Variants in ASIC2 observed in about 807,000 individuals in gnomAD.
The protein encoded by ASIC2 is acid sensing ion channel subunit 2.
Under a neutral mutation model 57.3 loss-of-function variants are expected in ASIC2, and 25 were observed. The ratio of observed to expected loss-of-function variants is 0.44; its 90% CI spans 0.32 to 0.61. The LOEUF is 0.61. ASIC2 is among the 20% of genes least tolerant of loss of function. ASIC2 has a pLI of 0.06. For synonymous variants in ASIC2, 319 were observed against 307.5 expected (o/e 1.04, Z -0.39); for missense variants, 641 against 738.1 (o/e 0.87, Z 1.52).
chr17:34,127,894 G>A (rs116809006), intron 1 of ASIC2, among the ~76,000 whole-genome samples: 2,284 of 152,192 alleles, frequency 0.015, 66 homozygotes, highest in African/African-American at 0.052. Context: ...TGAGCATCCC[G>A]GGCCTTGGGC....
chr17:33,852,015 C>T (rs969982149), intron 1 of ASIC2, among the ~76,000 whole-genome samples: 3 of 152,226 alleles, frequency 2.0e-5, no homozygotes, highest in South Asian at 2.1e-4. Context: ...GGGACCATTC[C>T]GTTCAGGCTG....
intron 1 of ASIC2, among the ~76,000 whole-genome samples, chr17:33,820,697 T>G (rs987000108): frequency 6.6e-6 from 1 of 152,180 alleles, no homozygotes; most frequent in Admixed American, 6.5e-5. Context: ...TTTAAAAAAT[T>G]ATTTTTTACT....
intron 1 of ASIC2, among the ~76,000 whole-genome samples, chr17:33,776,723 G>A (rs1310127228): frequency 6.6e-6 from 1 of 152,196 alleles, no homozygotes; most frequent in African/African-American, 2.4e-5. Flanking sequence ...GGAGGCCTGA[G>A]CTCTACCGTG....
chr17:33,609,497 C>T (rs1905328377), intron 1 of ASIC2, among the ~76,000 whole-genome samples: 2 of 152,170 alleles, frequency 1.3e-5, no homozygotes, highest in Non-Finnish European at 2.9e-5. Context: ...GTGTTTCCTC[C>T]CTAGCTCATC....
At chr17:33,667,484 CTACT>C (rs1422276500) in intron 1 of ASIC2, among the ~76,000 whole-genome samples, 3 of 152,142 alleles carry the variant, frequency 2.0e-5, no homozygotes, top group East Asian at 1.9e-4. Context: ...TCTTCTCTTG[CTACT>C]TACTTACTTA....
intron 1 of ASIC2, among the ~76,000 whole-genome samples, chr17:33,471,423 G>T (rs1913047586): frequency 6.6e-6 from 1 of 152,016 alleles, no homozygotes; most frequent in African/African-American, 2.4e-5. Context: ...CTTTTTTTGA[G>T]TCAAATCATT....
At chr17:33,164,860 G>A (rs561856760) in intron 1 of ASIC2, among the ~76,000 whole-genome samples, 1 of 152,152 alleles carries the variant, frequency 6.6e-6, no homozygotes, top group East Asian at 1.9e-4. Flanking sequence ...TGGTCACTTG[G>A]CCATACCTTC....
At chr17:34,018,266 T>C (rs1415264987) in intron 1 of ASIC2, among the ~76,000 whole-genome samples, 1 of 152,230 alleles carries the variant, frequency 6.6e-6, no homozygotes, top group Non-Finnish European at 1.5e-5. Context: ...TATATCTGTT[T>C]ACAGCATGGT....
intron 1 of ASIC2, among the ~76,000 whole-genome samples, chr17:34,025,488 C>A (rs1279428090): frequency 6.6e-6 from 1 of 152,222 alleles, no homozygotes; most frequent in Non-Finnish European, 1.5e-5. Flanking sequence ...CAGGAAGATC[C>A]TGGACCCACT....
intron 1 of ASIC2, among the ~76,000 whole-genome samples, chr17:34,025,836 G>C (rs1907357601): frequency 6.6e-6 from 1 of 152,194 alleles, no homozygotes; most frequent in East Asian, 1.9e-4. Flanking sequence ...TGAGAATCTA[G>C]TGAGACTACA....
chr17:33,763,453 A>G lies in ASIC2; in HGVS notation c.555+392525T>C, dbSNP rs141852406. Reference sequence around the variant, plus strand: ...AAATTCAAGAGCATCCTCTGGTTCCATAGCAGAAGGGCCTTTTCCCTTCTC... The same window carrying G: ...AAATTCAAGAGCATCCTCTGGTTCCGTAGCAGAAGGGCCTTTTCCCTTCTC... On this transcript the variant is annotated intron_variant, in intron 1 of 9. Coordinates refer to the ASIC2 transcript ENST00000359872. Among the ~76,000 whole-genome samples, 487 of 152,314 alleles carry G rather than the reference A, an allele frequency of 3.2e-3. 3 individuals are homozygous for G. Among genetic ancestry groups the G allele is most frequent in the African/African-American group, 0.011 (470 of 41,560 alleles).
intron 1 of ASIC2, among the ~76,000 whole-genome samples, chr17:33,407,530 A>C (rs577380209): frequency 6.6e-6 from 1 of 152,308 alleles, no homozygotes; most frequent in South Asian, 2.1e-4. Flanking sequence ...ACTCAGGGCA[A>C]GTATGGGCCT....
At chr17:33,968,365 G>A (rs1009394823) in intron 1 of ASIC2, among the ~76,000 whole-genome samples, 9 of 152,096 alleles carry the variant, frequency 5.9e-5, no homozygotes, top group African/African-American at 7.2e-5. Flanking sequence ...AATAAAGCCC[G>A]CCTGCAACTG....
At chr17:33,285,023 T>C (rs550166883) in intron 1 of ASIC2, among the ~76,000 whole-genome samples, 132 of 152,296 alleles carry the variant, frequency 8.7e-4, no homozygotes, top group African/African-American at 3.0e-3. Context: ...TTGACTCCAA[T>C]TGACATCCAA....
At chr17:33,751,507 A>T (rs1259690885) in intron 1 of ASIC2, among the ~76,000 whole-genome samples, 1 of 152,024 alleles carries the variant, frequency 6.6e-6, no homozygotes, top group Non-Finnish European at 1.5e-5. Context: ...GAGGTCTGAG[A>T]CAGTAATTTT....
intron 1 of ASIC2, among the ~76,000 whole-genome samples, chr17:33,691,182 T>A (rs1019719590): frequency 1.3e-5 from 2 of 152,238 alleles, no homozygotes; most frequent in African/African-American, 4.8e-5. Flanking sequence ...GCTGCAAAAA[T>A]ATTATTTTAT....
chr17:34,039,032 C>T (rs1382247500), intron 1 of ASIC2: 2 of 1,614,050 alleles, frequency 1.2e-6, no homozygotes, highest in South Asian at 1.1e-5. Context: ...GCCATCTTCT[C>T]TTGTTTTGAC....
chr17:33,206,537 T>C (rs1426915609), intron 1 of ASIC2, among the ~76,000 whole-genome samples: 1 of 152,200 alleles, frequency 6.6e-6, no homozygotes, highest in African/African-American at 2.4e-5. Context: ...TGATGAATTA[T>C]GAGTATAGGC....
At chr17:33,114,269 A>G (rs535032462) in intron 1 of ASIC2, among the ~76,000 whole-genome samples, 2 of 152,358 alleles carry the variant, frequency 1.3e-5, no homozygotes, top group African/African-American at 4.8e-5. Flanking sequence ...ACTATTGCAT[A>G]TAGCAATTGA....
Sources: gnomAD v4.1 joint callset for allele counts (sites outside exome capture counted in the v4.1 genomes callset) on GRCh38, gnomAD v4.1.1 for gene constraint, MANE v1.5 for transcripts, NCBI Gene and HGNC (gene_info 2026-07-23, HGNC 2026-07-21) for gene names.